DNAJC9: variants seen among roughly 807,000 people sequenced by gnomAD.
DNAJC9 encodes DnaJ heat shock protein family (Hsp40) member C9.
In DNAJC9, 18 loss-of-function variants were observed where a neutral mutation model predicts 32.4. The observed-to-expected ratio is 0.56, with a 90% confidence interval of 0.38 to 0.82. The LOEUF is 0.82. DNAJC9 is among the 40% of genes least tolerant of loss of function. DNAJC9 has a pLI of 0.00. For synonymous variants in DNAJC9, 113 were observed against 122.1 expected, an observed-to-expected ratio of 0.93 and a Z score of 0.49; for missense variants, 310 against 321.8, an observed-to-expected ratio of 0.96 and a Z score of 0.28.
chr10:73,235,465 C>T, downstream of DNAJC9: 1 of 1,439,088 alleles, frequency 6.9e-7, no homozygotes, highest in Middle Eastern at 2.6e-4. Flanking sequence ...GTTATAAATA[C>T]ATTTTGTTCA....
chr10:73,246,895 A>T (rs2044019852), intron 1 of DNAJC9, 67 bp from the exon 2 acceptor site: 1 of 1,607,728 alleles, frequency 6.2e-7, no homozygotes, highest in East Asian at 2.2e-5. Context: ...CGAGAAATAA[A>T]GATCAGAAGG....
chr10:73,239,343 T>G (rs751250596), downstream of DNAJC9: 134 of 1,551,652 alleles, frequency 8.6e-5, no homozygotes, highest in Non-Finnish European at 1.1e-4. Flanking sequence ...TCATGTGCAG[T>G]TGAGTATCCT....
chr10:73,235,178 T>C (rs182810819), downstream of DNAJC9: 9 of 1,551,244 alleles, frequency 5.8e-6, no homozygotes, highest in Admixed American at 1.6e-4. Flanking sequence ...TCTGTAACTT[T>C]TGTCTCCTCT....
chr10:73,239,488 G>T, downstream of DNAJC9: 1 of 825,778 alleles, frequency 1.2e-6, no homozygotes, highest in East Asian at 2.8e-5. Context: ...AGATTTTCTT[G>T]GATTTAATGT....
downstream of DNAJC9, chr10:73,239,062 C>T (rs2133416823): frequency 2.5e-6 from 1 of 398,866 alleles, no homozygotes. Flanking sequence ...ATTTATAACT[C>T]CTGATTTCCT....
At chr10:73,239,333 T>C, downstream of DNAJC9, 1 of 1,551,698 alleles carries the variant, frequency 6.4e-7, no homozygotes, top group Non-Finnish European at 8.7e-7. Context: ...GTATCGTCGC[T>C]CATGTGCAGT....
chr10:73,243,537 A>T lies in DNAJC9; in HGVS notation c.664-18T>A. 1 of 1,613,706 alleles carries T rather than the reference A, an allele frequency of 6.2e-7. No homozygotes were observed. Among genetic ancestry groups the T allele is most frequent in the Non-Finnish European group, 8.5e-7 (1 of 1,179,902 alleles). On this transcript the variant is annotated intron_variant, in intron 4 of 4. Transcript: ENST00000372950. ...TGTCTGCTCTGTTTGAGAAGTTAAA[A>T]CACAAGCTTTCACAACATTATCCAT...
chr10:73,241,325 A>G (rs2043947492), downstream of DNAJC9: 1 of 361,710 alleles, frequency 2.8e-6, no homozygotes, highest in South Asian at 2.4e-5. Context: ...TCTCTTAACA[A>G]TGATCAGTTC....
chr10:73,232,622 A>C (rs1000124413), intron 2 of DNAJC9, among the ~76,000 whole-genome samples: 1 of 152,224 alleles, frequency 6.6e-6, no homozygotes, highest in African/African-American at 2.4e-5. Flanking sequence ...ACTTTGGAGT[A>C]GGTGTCCTTC....
At position 73,243,207 on chromosome 10, in the gene DNAJC9, A is replaced by G; in HGVS notation, c.*193T>C. On this transcript the variant is annotated 3_prime_UTR_variant, in exon 5 of 5. Transcript: ENST00000372950. Reference sequence around the variant, plus strand: ...AGTTCCTTCAGGTGAGACCTCACACAATGTCAAGTGCTTTCTAGGAAATAC... The same window carrying G: ...AGTTCCTTCAGGTGAGACCTCACACGATGTCAAGTGCTTTCTAGGAAATAC... The G allele has an allele frequency of 6.7e-6, 4 of 595,774 alleles. No individual in the cohort carries two copies. The South Asian group carries it at 8.0e-5, about 12-fold the overall frequency. 36.9% of individuals were successfully genotyped at this position (595,774 alleles called of 1,614,324 possible). A position where few individuals can be genotyped will look rare whatever the true frequency, so the allele number is the denominator to read the frequency against.
At chr10:73,235,070 A>G, downstream of DNAJC9, 1 of 1,449,018 alleles carries the variant, frequency 6.9e-7, no homozygotes, top group Non-Finnish European at 9.3e-7. Flanking sequence ...GTGCTAATTT[A>G]TGACGTGGAA....
At chr10:73,234,910 TG>T (rs1351458341), downstream of DNAJC9, 1 of 1,551,954 alleles carries the variant, frequency 6.4e-7, no homozygotes, top group Non-Finnish European at 8.7e-7. Context: ...AAGTGGAACA[TG>T]TGAGCACTGT....
At chr10:73,238,593 G>A (rs974964446), downstream of DNAJC9, among the ~76,000 whole-genome samples, 9 of 152,148 alleles carry the variant, frequency 5.9e-5, no homozygotes, top group Admixed American at 3.9e-4. Flanking sequence ...ACCACCCTAT[G>A]GTCCACAAAG....
intron 4 of DNAJC9, 38 bp from the exon 5 acceptor site, chr10:73,243,557 A>G: frequency 1.2e-6 from 2 of 1,612,346 alleles, no homozygotes; most frequent in Non-Finnish European, 1.7e-6. Context: ...TCACAACATT[A>G]TCCATAGACA....
downstream of DNAJC9, chr10:73,241,532 A>G (rs942163194): frequency 6.3e-6 from 1 of 157,654 alleles, no homozygotes; most frequent in African/African-American, 2.4e-5. Flanking sequence ...GTCCTACCCT[A>G]TCAGCAGATT....
chr10:73,240,440 T>C (rs11000560), downstream of DNAJC9, among the ~76,000 whole-genome samples: 8,128 of 151,978 alleles, frequency 0.053, 259 homozygotes, highest in Admixed American at 0.077. Context: ...TGGCTGGGCG[T>C]GGTGGCTCAT....
intron 2 of DNAJC9, 65 bp from the exon 3 acceptor site, chr10:73,246,241 A>C: frequency 6.5e-7 from 1 of 1,544,032 alleles, no homozygotes; most frequent in Non-Finnish European, 8.8e-7. Context: ...TACGTTAGTA[A>C]AACTAGAGTT....
downstream of DNAJC9, among the ~76,000 whole-genome samples, chr10:73,237,386 T>C (rs566423396): frequency 5.8e-4 from 89 of 152,278 alleles, no homozygotes; most frequent in Middle Eastern, 3.4e-3. Flanking sequence ...TAAGTAGTAC[T>C]TGATGATTAT....
rs2043975169 is a variant in DNAJC9, at chr10:73,243,395, T to A, written c.*5A>T. ...ACCTAAGGACCTTTGAAGAGAAAAA[T>A]TCCATTATTTCTTTTCTTTCTTGAG... On this transcript the variant is annotated 3_prime_UTR_variant, in exon 5 of 5. Coordinates refer to ENST00000372950, the MANE Select transcript of DNAJC9 (RefSeq NM_015190.5). 6.2e-7 allele frequency: 1 copy of A among 1,613,234 alleles called. No homozygotes were observed. Among genetic ancestry groups the A allele is most frequent in the Non-Finnish European group, 8.5e-7 (1 of 1,179,820 alleles).
Sources: allele counts gnomAD v4.1 joint callset (sites outside exome capture counted in the v4.1 genomes callset), GRCh38; gene constraint gnomAD v4.1.1; transcripts MANE v1.5; gene names NCBI Gene and HGNC (gene_info 2026-07-23, HGNC 2026-07-21).